The following DUXB variants were observed in gnomAD, a reference collection of about 807,000 sequenced individuals.
DUXB encodes the protein double homeobox B.
In DUXB, 22 loss-of-function variants were observed where a neutral mutation model predicts 8.9. The ratio of observed to expected loss-of-function variants is 2.46; its 90% CI spans 1.76 to 3.52. The LOEUF (loss-of-function observed/expected upper bound fraction) is 3.52, where lower values mean the gene tolerates loss of function less well. Among genes scored for constraint, DUXB ranks in the 30% most tolerant of loss-of-function variants. The pLI, the probability that DUXB is intolerant of heterozygous loss-of-function variation, is 0.00. For missense variants in DUXB, 237 were observed against 108.7 expected (o/e 2.18, Z -5.25); for synonymous variants, 84 against 37.6 (o/e 2.23, Z -4.52).
At position 75,700,288 on chromosome 16, in the gene DUXB, G is replaced by A. The variant is rs558075525; in HGVS notation, c.26-119C>T. ...CTCACTCTGTCGCCCAGATTGGAGT[G>A]CAGTGATGCAGTTTCGGGTCAATGC... On this transcript the variant is annotated intron_variant, in intron 1 of 4. Transcript: ENST00000633875. The A allele has an allele frequency of 4.5e-4, 246 of 549,292 alleles. 1 individual carries two copies. The highest frequency in any genetic ancestry group is 7.1e-4 in the Non-Finnish European group (220 of 311,528). The allele number at this position is 549,292 out of a possible 1,614,324, so 34.0% of individuals were successfully genotyped here.
At chr16:75,700,529 AT>A (rs1189786630) in intron 1 of DUXB, among the ~76,000 whole-genome samples, 1 of 151,256 alleles carries the variant, frequency 6.6e-6, no homozygotes, top group Non-Finnish European at 1.5e-5. Flanking sequence ...TATTGTTACT[AT>A]TTTTTGAGAT....
chr16:75,695,241 G>T (rs544763826), intron 4 of DUXB, among the ~76,000 whole-genome samples: 1 of 152,306 alleles, frequency 6.6e-6, no homozygotes, highest in South Asian at 2.1e-4. Flanking sequence ...ACGTGTTCTC[G>T]AATTCTCCCT....
intron 3 of DUXB, 119 bp from the exon 4 acceptor site, chr16:75,696,234 CATTGCTCTG>C (rs2082606125): frequency 1.6e-6 from 1 of 628,012 alleles, no homozygotes; most frequent in Non-Finnish European, 2.8e-6. Flanking sequence ...CAGAAGAGGT[CATTGCTCTG>C]CAGCAGGACC....
In DUXB at chr16:75,695,881, A is replaced by T. The variant is rs903400498; in HGVS notation, c.441+80T>A. On this transcript the variant is annotated intron_variant, in intron 4 of 4. Transcript: ENST00000633875. ...CTTGATGACTTTGATAACCCAAGTC[A>T]GCTGTAAGTTTTTCAATAACACCTC... 4 of 667,996 alleles carry T rather than the reference A, an allele frequency of 6.0e-6. No individual in the cohort carries two copies. The African/African-American group carries it at 7.1e-5, about 12-fold the overall frequency. 41.4% of individuals were successfully genotyped at this position (667,996 alleles called of 1,614,324 possible).
rs376575136 is a variant in DUXB at position 75,697,008 on chromosome 16, A to G, written c.181-65T>C. Reference sequence around the variant, plus strand: ...TGTATGTCAATATTGCCAAATATCAATTCAATTGAACAAAACTGATTTGAC... The same window carrying G: ...TGTATGTCAATATTGCCAAATATCAGTTCAATTGAACAAAACTGATTTGAC... On this transcript the variant is annotated intron_variant, in intron 2 of 4. Transcript: ENST00000633875. 3.8e-4 allele frequency: 252 copies of G among 670,388 alleles called. 1 individual carries two copies. In the African/African-American group the frequency reaches 3.8e-3, roughly 10 times the overall value. 41.5% of individuals were successfully genotyped at this position (670,388 alleles called of 1,614,324 possible). A position where few individuals can be genotyped will look rare whatever the true frequency, so the allele number is the denominator to read the frequency against.
At chr16:75,699,598 C>T (rs1959199660) in intron 2 of DUXB, among the ~76,000 whole-genome samples, 2 of 145,926 alleles carry the variant, frequency 1.4e-5, no homozygotes, top group Admixed American at 6.9e-5. Flanking sequence ...CTCGCTTTGT[C>T]TTCCATCCTG....
intron 2 of DUXB, 68 bp from the exon 3 acceptor site, chr16:75,697,011 C>A: frequency 1.5e-6 from 1 of 666,440 alleles, no homozygotes; most frequent in South Asian, 1.7e-5. Context: ...AATATCAATT[C>A]AATTGAACAA....
intron 3 of DUXB, 143 bp downstream of exon 3, chr16:75,696,695 C>A: frequency 1.7e-6 from 1 of 583,538 alleles, no homozygotes; most frequent in Middle Eastern, 3.0e-4. Context: ...AACTTACTTT[C>A]ACCTAAAAAA....
At chr16:75,697,566 A>C (rs1216157140) in intron 2 of DUXB, among the ~76,000 whole-genome samples, 2 of 152,200 alleles carry the variant, frequency 1.3e-5, no homozygotes, top group African/African-American at 4.8e-5. Flanking sequence ...TAGAGTCAGA[A>C]TTGCAATATA....
intron 2 of DUXB, among the ~76,000 whole-genome samples, chr16:75,698,996 A>C (rs1959197290): frequency 6.6e-6 from 1 of 152,146 alleles, no homozygotes; most frequent in Non-Finnish European, 1.5e-5. Flanking sequence ...GTGTGGAACA[A>C]CAAACCCAGC....
intron 2 of DUXB, among the ~76,000 whole-genome samples, chr16:75,697,215 G>C (rs1231465981): frequency 6.6e-6 from 1 of 152,088 alleles, no homozygotes; most frequent in South Asian, 2.1e-4. Flanking sequence ...GACCCTATGA[G>C]GTCTCTCAAA....
intron 2 of DUXB, among the ~76,000 whole-genome samples, chr16:75,697,779 C>A (rs1395020095): frequency 6.6e-6 from 1 of 152,180 alleles, no homozygotes; most frequent in Non-Finnish European, 1.5e-5. Context: ...AGTGGAGGGC[C>A]AGTGAGCATT....
chr16:75,698,511 T>C (rs1200799900), intron 2 of DUXB: 2 of 152,220 alleles, frequency 1.3e-5, no homozygotes, highest in Non-Finnish European at 2.9e-5. Context: ...TTTACAGGTA[T>C]CTCTTTTTCT....
At chr16:75,694,635 T>C in intron 4 of DUXB, 110 bp from the exon 5 acceptor site, 1 of 648,952 alleles carries the variant, frequency 1.5e-6, no homozygotes, top group Non-Finnish European at 2.8e-6. Context: ...AATCACAGGG[T>C]GATTTTATAG....
chr16:75,694,053 G>C lies in DUXB; in HGVS notation c.914C>G (p.Pro305Arg). ...TAGAGGTTGTTGCTCCCTGTGCTCA[G>C]GTTCAGGCTGAGAATGGCTCTTGAC... The part of the protein sequence containing the change: ...PQVKSHSQPE[P>R]EHREQQPLNL... The change falls in exon 5 of 5, where the codon CCT becomes CGT. Residue 305 changes from proline (P) to arginine (R), a missense_variant. Pro to Arg is a moderately radical substitution (Grantham distance 103). Coordinates refer to ENST00000633875, the MANE Select transcript of DUXB (RefSeq NM_001351307.2). The C allele has an allele frequency of 2.4e-6, 1 of 408,474 alleles. No individual in the cohort carries two copies. 25.3% of individuals were successfully genotyped at this position (408,474 alleles called of 1,614,324 possible).
At chr16:75,698,212 A>G (rs1327306668) in intron 2 of DUXB, among the ~76,000 whole-genome samples, 1 of 152,220 alleles carries the variant, frequency 6.6e-6, no homozygotes, top group East Asian at 1.9e-4. Flanking sequence ...CATGATTCCA[A>G]GTGGGACTGG....
chr16:75,698,934 C>T (rs1292791643), intron 2 of DUXB: 3 of 152,252 alleles, frequency 2.0e-5, no homozygotes, highest in African/African-American at 4.8e-5. Flanking sequence ...GCCTTGACCT[C>T]CTGGGCTCAA....
chr16:75,701,354 G>A (rs1244760632), intron 1 of DUXB, 40 bp downstream of exon 1: 3 of 398,444 alleles, frequency 7.5e-6, no homozygotes, highest in South Asian at 1.3e-4. Flanking sequence ...AAGACATGCA[G>A]CAATCCCAAA....
chr16:75,700,527 C>T (rs1447769618), intron 1 of DUXB, among the ~76,000 whole-genome samples: 1 of 151,588 alleles, frequency 6.6e-6, no homozygotes, highest in Non-Finnish European at 1.5e-5. Flanking sequence ...ATTATTGTTA[C>T]TATTTTTTGA....
Sources: allele counts gnomAD v4.1 joint callset (sites outside exome capture counted in the v4.1 genomes callset), GRCh38; gene constraint gnomAD v4.1.1; transcripts MANE v1.5; gene names NCBI Gene and HGNC (gene_info 2026-07-23, HGNC 2026-07-21).